Variants in ARID3B observed in about 807,000 individuals in gnomAD.
The protein encoded by ARID3B is AT-rich interactive domain-containing protein 3B.
A neutral mutation model predicts 51.9 loss-of-function variants in ARID3B; 10 were observed. The observed-to-expected ratio is 0.19, with a 90% CI of 0.12 to 0.33. ARID3B has a LOEUF of 0.33. Among genes scored for constraint, ARID3B ranks in the 10% least tolerant of loss-of-function variants. ARID3B has a pLI of 1.00. For missense variants in ARID3B, 483 were observed against 716.3 expected, an observed-to-expected ratio of 0.67 and a Z score of 3.72; for synonymous variants, 205 against 279.5, an observed-to-expected ratio of 0.73 and a Z score of 2.66.
intron 4 of ARID3B, among the ~76,000 whole-genome samples, chr15:74,576,679 A>G (rs974043841): frequency 6.6e-6 from 1 of 151,972 alleles, no homozygotes; most frequent in Non-Finnish European, 1.5e-5. Flanking sequence ...AAAACTTTTT[A>G]TGAAAATCAT....
intron 8 of ARID3B, among the ~76,000 whole-genome samples, chr15:74,595,280 CT>C (rs1443734684): frequency 1.3e-5 from 2 of 152,194 alleles, no homozygotes; most frequent in Non-Finnish European, 2.9e-5. Flanking sequence ...TTGAGCTATT[CT>C]CCTGCCTCAC....
intron 4 of ARID3B, among the ~76,000 whole-genome samples, chr15:74,580,309 T>C (rs1322916082): frequency 1.3e-5 from 2 of 152,236 alleles, no homozygotes; most frequent in Non-Finnish European, 2.9e-5. Context: ...TCATAGATTT[T>C]CCATTTAGTC....
chr15:74,543,616 C>CCTG (rs2061602212), intron 1 of ARID3B, among the ~76,000 whole-genome samples: 1 of 152,084 alleles, frequency 6.6e-6, no homozygotes, highest in Non-Finnish European at 1.5e-5. Context: ...TCTTTTAAAG[C>CCTG]CTGCTACTAC....
chr15:74,565,722 GTTGTTTTTT>G (rs944810198), intron 2 of ARID3B, among the ~76,000 whole-genome samples: 6 of 151,034 alleles, frequency 4.0e-5, no homozygotes, highest in East Asian at 1.9e-4. Context: ...GCATGGTCTC[GTTGTTTTTT>G]TTGTTTTTTT....
chr15:74,562,992 C>G (rs1350759531), intron 2 of ARID3B, among the ~76,000 whole-genome samples: 3 of 152,208 alleles, frequency 2.0e-5, no homozygotes, highest in African/African-American at 7.2e-5. Context: ...GAACTAGCAG[C>G]CCACCTTCTT....
At chr15:74,570,218 C>T (rs933038268) in intron 2 of ARID3B, among the ~76,000 whole-genome samples, 2 of 152,086 alleles carry the variant, frequency 1.3e-5, no homozygotes, top group Non-Finnish European at 2.9e-5. Context: ...GAGGACCCTA[C>T]CAGCCCCAGC....
rs1428811279 is a variant in ARID3B at position 74,597,959 on chromosome 15, T to C, written c.*2185T>C. 5 of 532,572 alleles carry C rather than the reference T, an allele frequency of 9.4e-6. No homozygotes were observed. The highest frequency in any genetic ancestry group is 7.7e-5 in the South Asian group (5 of 65,212). The allele number at this position is 532,572 out of a possible 1,614,324, so 33.0% of individuals were successfully genotyped here. On this transcript the variant is annotated 3_prime_UTR_variant, in exon 9 of 9. Coordinates refer to ENST00000346246, the MANE Select transcript of ARID3B (RefSeq NM_006465.4). ...AGGGCAGCTCTGTCCCCTCCTGCTC[T>C]CCATCTTATATGTATTCTAACCAGG...
At chr15:74,543,117 G>A (rs2061600579) in intron 1 of ARID3B, among the ~76,000 whole-genome samples, 1 of 152,182 alleles carries the variant, frequency 6.6e-6, no homozygotes, top group Admixed American at 6.5e-5. Flanking sequence ...AATCTCCAGA[G>A]GAATTCCCCC....
intron 2 of ARID3B, among the ~76,000 whole-genome samples, chr15:74,572,105 A>G (rs944841696): frequency 6.6e-6 from 1 of 152,098 alleles, no homozygotes; most frequent in Non-Finnish European, 1.5e-5. Flanking sequence ...GCGAAACTCC[A>G]TCTCAGAAAA....
Position 74,544,283 on chromosome 15 carries a change from A to G in ARID3B, c.347A>G (p.Gln116Arg), listed in dbSNP as rs1182729730. Residue 116 changes from glutamine to arginine, a missense_variant, in exon 2 of 9, where the codon CAG becomes CGG. Gln to Arg is a conservative substitution (Grantham distance 43). This residue lies in a region of ARID3B where 182 missense variants were observed against 244.5 expected (regional missense o/e 0.74). Transcript: ENST00000346246. ...GCAGAGGTGGCTGAGAAAGAAACCC[A>G]GGCTGCTTCAAAATATTTTCATGTG... The part of the protein sequence containing the change: ...EVAEVAEKET[Q>R]AASKYFHVQK... 6 of 1,614,200 alleles carry G rather than the reference A, an allele frequency of 3.7e-6. No individual in the cohort carries two copies. Among genetic ancestry groups the G allele is most frequent in the Non-Finnish European group, 5.1e-6 (6 of 1,180,020 alleles).
rs548558245 is a variant in ARID3B, at chr15:74,562,115, G to A, written c.553-10747G>A. Among the ~76,000 whole-genome samples, 39 of 149,876 alleles carry A rather than the reference G, an allele frequency of 2.6e-4. 1 individual carries two copies. The South Asian group carries it at 7.6e-3, about 29-fold the overall frequency. Reference sequence around the variant, plus strand: ...GGCTAGGTGTATTAAATGCATTTCCGACAACGGTATTTTCTTTTCTTTTCT... The same window carrying A: ...GGCTAGGTGTATTAAATGCATTTCCAACAACGGTATTTTCTTTTCTTTTCT... On this transcript the variant is annotated intron_variant, in intron 2 of 8. Transcript: ENST00000346246.
intron 2 of ARID3B, 88 bp downstream of exon 2, chr15:74,544,576 CTG>C: frequency 7.1e-7 from 1 of 1,398,908 alleles, no homozygotes; most frequent in Non-Finnish European, 9.7e-7. Context: ...CTGTGCCAGT[CTG>C]TGCCTTCTCA....
At chr15:74,555,307 A>G (rs1334987058) in intron 2 of ARID3B, among the ~76,000 whole-genome samples, 2 of 151,792 alleles carry the variant, frequency 1.3e-5, no homozygotes, top group African/African-American at 4.8e-5. Context: ...ATAAGACAAC[A>G]GTGAAGTTTG....
chr15:74,572,962 T>C (rs1567122068), intron 3 of ARID3B, 29 bp downstream of exon 3: 1 of 1,611,626 alleles, frequency 6.2e-7, no homozygotes, highest in African/African-American at 1.3e-5. Context: ...GTGATACAGA[T>C]AGGGGCAGTT....
intron 2 of ARID3B, among the ~76,000 whole-genome samples, chr15:74,549,242 T>G (rs2061627177): frequency 6.6e-6 from 1 of 151,736 alleles, no homozygotes; most frequent in South Asian, 2.1e-4. Flanking sequence ...GCCCGGCTAA[T>G]TTTTTTGTAT....
Position 74,597,382 on chromosome 15 carries a change from C to T in ARID3B, c.*1608C>T, listed in dbSNP as rs183375707. 18 of 442,442 alleles carry T rather than the reference C, an allele frequency of 4.1e-5. No individual in the cohort carries two copies. The highest frequency in any genetic ancestry group is 3.4e-4 in the African/African-American group (17 of 50,746). The allele number at this position is 442,442 out of a possible 1,614,324, so 27.4% of individuals were successfully genotyped here. Reference sequence around the variant, plus strand: ...TGTGGCAGCGTGGCTCGCATTCAGTCCTGTGTAGGAGAGGAAAGGGAATCA... The same window carrying T: ...TGTGGCAGCGTGGCTCGCATTCAGTTCTGTGTAGGAGAGGAAAGGGAATCA... On this transcript the variant is annotated 3_prime_UTR_variant, in exon 9 of 9. Coordinates refer to ENST00000346246, the MANE Select transcript of ARID3B (RefSeq NM_006465.4).
chr15:74,546,760 C>T (rs112688798), intron 2 of ARID3B, among the ~76,000 whole-genome samples: 1 of 152,188 alleles, frequency 6.6e-6, no homozygotes, highest in African/African-American at 2.4e-5. Context: ...TATAATCCCT[C>T]ACCCAAAATT....
At chr15:74,555,035 G>A (rs960952109) in intron 2 of ARID3B, among the ~76,000 whole-genome samples, 6 of 152,130 alleles carry the variant, frequency 3.9e-5, no homozygotes, top group Non-Finnish European at 7.4e-5. Flanking sequence ...TTGTGGTGAT[G>A]GAGATGCTAA....
At position 74,541,227 on chromosome 15, in the gene ARID3B, C is replaced by G. The variant is rs1259578023; in HGVS notation, c.-181C>G. The G allele has an allele frequency of 2.0e-5, 3 of 151,760 alleles. No individual in the cohort carries two copies. The highest frequency in any genetic ancestry group is 3.9e-4 in the East Asian group (2 of 5,156). The allele number at this position is 151,760 out of a possible 1,614,324, so 9.4% of individuals were successfully genotyped here. ...GCCGCTTCCGGTGCGGGCCCCGCCC[C>G]GGCTGTGGCCCCCGGCTGCGGAGGA... On this transcript the variant is annotated 5_prime_UTR_variant, in exon 1 of 9. Transcript: ENST00000346246.
Sources: allele counts gnomAD v4.1 joint callset (sites outside exome capture counted in the v4.1 genomes callset), GRCh38; gene constraint gnomAD v4.1.1; regional missense constraint gnomAD v4.1.1; transcripts MANE v1.5; gene names NCBI Gene and HGNC (gene_info 2026-07-23, HGNC 2026-07-21).